The following ZNRF1 variants were observed in gnomAD, a reference collection of about 807,000 sequenced individuals.
ZNRF1 encodes E3 ubiquitin-protein ligase ZNRF1.
A neutral mutation model predicts 18.4 loss-of-function variants in ZNRF1; 3 were observed. The observed-to-expected ratio is 0.16, with a 90% CI of 0.07 to 0.42. The LOEUF is 0.42. Ranked by LOEUF, ZNRF1 falls within the 10% of genes least tolerant of loss-of-function variation. ZNRF1 has a pLI of 0.99. For synonymous variants in ZNRF1, 157 were observed against 144.2 expected (o/e 1.09, Z -0.64); for missense variants, 310 against 329.8 (o/e 0.94, Z 0.47).
At chr16:75,048,938 A>T (rs961374330) in intron 1 of ZNRF1, among the ~76,000 whole-genome samples, 4 of 150,034 alleles carry the variant, frequency 2.7e-5, no homozygotes, top group African/African-American at 9.8e-5. Context: ...TTGTTTAGTT[A>T]TTTTTTTTGT....
At chr16:75,040,443 G>T (rs558974202) in intron 1 of ZNRF1, among the ~76,000 whole-genome samples, 1 of 151,692 alleles carries the variant, frequency 6.6e-6, no homozygotes, top group African/African-American at 2.4e-5. Context: ...AAGTTCCTAT[G>T]CCTGTTTTTA....
At chr16:75,093,860 T>C (rs1420107331) in intron 2 of ZNRF1, among the ~76,000 whole-genome samples, 193 bp downstream of exon 2, 1 of 151,512 alleles carries the variant, frequency 6.6e-6, no homozygotes, top group African/African-American at 2.4e-5. Context: ...GGAAGAGGAG[T>C]GGGACAAGGA....
chr16:75,034,595 C>G (rs1261793382), intron 1 of ZNRF1, among the ~76,000 whole-genome samples: 1 of 152,172 alleles, frequency 6.6e-6, no homozygotes, highest in Non-Finnish European at 1.5e-5. Context: ...TACAAACATC[C>G]TTTAAGACCC....
intron 1 of ZNRF1, among the ~76,000 whole-genome samples, chr16:75,044,791 T>C (rs995697968): frequency 6.6e-6 from 1 of 152,228 alleles, no homozygotes; most frequent in African/African-American, 2.4e-5. Context: ...GGACTGCGTT[T>C]ATAACAAATG....
At chr16:75,100,154 A>C (rs1330083166) in intron 2 of ZNRF1, among the ~76,000 whole-genome samples, 2 of 152,112 alleles carry the variant, frequency 1.3e-5, no homozygotes, top group South Asian at 4.1e-4. Flanking sequence ...GTCCCAGTGA[A>C]ATGTGCTCCC....
intron 1 of ZNRF1, among the ~76,000 whole-genome samples, chr16:75,032,891 T>C (rs546843007): frequency 6.6e-6 from 1 of 152,260 alleles, no homozygotes; most frequent in Admixed American, 6.5e-5. Context: ...TATATGCCTG[T>C]AGTCCCAGCT....
intron 1 of ZNRF1, among the ~76,000 whole-genome samples, chr16:75,067,243 A>G (rs1274036258): frequency 6.6e-6 from 1 of 152,216 alleles, no homozygotes; most frequent in African/African-American, 2.4e-5. Context: ...AGAACCAAGT[A>G]GAAGCCATTT....
intron 2 of ZNRF1, among the ~76,000 whole-genome samples, chr16:75,096,689 T>C (rs1311216531): frequency 3.3e-5 from 5 of 152,170 alleles, no homozygotes; most frequent in African/African-American, 1.2e-4. Context: ...CGGAAATTTT[T>C]AGAAAATTTA....
rs530822589 is a variant in ZNRF1, at chr16:75,046,604, C to T, written c.424+46509C>T. On this transcript the variant is annotated intron_variant, in intron 1 of 4. Coordinates refer to ENST00000335325, the MANE Select transcript of ZNRF1 (RefSeq NM_032268.5). ...TTTTTTTATTTTTTTGAGACTGAGT[C>T]TCGCTCTGTCGCCCAGGCTGGAGCA... Among the ~76,000 whole-genome samples the T allele has an allele frequency of 4.0e-5, 6 of 151,762 alleles. No homozygotes were observed. In the East Asian group the frequency reaches 9.7e-4, roughly 25 times the overall value.
At chr16:75,079,460 C>A (rs2035983931) in intron 1 of ZNRF1, among the ~76,000 whole-genome samples, 1 of 152,124 alleles carries the variant, frequency 6.6e-6, no homozygotes, top group Non-Finnish European at 1.5e-5. Context: ...AGCCTGGCAA[C>A]AGAGCAAGAG....
intron 1 of ZNRF1, among the ~76,000 whole-genome samples, chr16:75,059,756 A>C (rs1464067500): frequency 6.6e-6 from 1 of 152,154 alleles, no homozygotes; most frequent in Non-Finnish European, 1.5e-5. Flanking sequence ...AAATTGTATA[A>C]ATCAATTTAA....
At chr16:75,015,524 G>A (rs1363795314) in intron 1 of ZNRF1, among the ~76,000 whole-genome samples, 3 of 152,156 alleles carry the variant, frequency 2.0e-5, no homozygotes, top group East Asian at 1.9e-4. Context: ...GTGGTGAGCC[G>A]AGATTGCACC....
chr16:75,007,912 C>T (rs144279737), intron 1 of ZNRF1, among the ~76,000 whole-genome samples: 314 of 152,192 alleles, frequency 2.1e-3, no homozygotes, highest in Middle Eastern at 3.4e-3. Context: ...GTTGCCCGGG[C>T]TGGAGTGCAA....
At chr16:75,025,890 G>A (rs1476090787) in intron 1 of ZNRF1, among the ~76,000 whole-genome samples, 1 of 152,068 alleles carries the variant, frequency 6.6e-6, no homozygotes, top group Non-Finnish European at 1.5e-5. Context: ...GGACGGGGTG[G>A]GTGGGATTTT....
chr16:75,102,099 C>A (rs922383702), intron 2 of ZNRF1, among the ~76,000 whole-genome samples: 1 of 152,180 alleles, frequency 6.6e-6, no homozygotes, highest in Non-Finnish European at 1.5e-5. Context: ...AGGATCGAAT[C>A]GGTTCCATTT....
chr16:75,070,058 A>G (rs967629080), intron 1 of ZNRF1, among the ~76,000 whole-genome samples: 9 of 152,212 alleles, frequency 5.9e-5, no homozygotes, highest in Non-Finnish European at 1.2e-4. Flanking sequence ...TTTAATCCAT[A>G]CACTTTCTGC....
At chr16:75,000,724 G>T (rs553566194) in intron 1 of ZNRF1, among the ~76,000 whole-genome samples, 1 of 152,194 alleles carries the variant, frequency 6.6e-6, no homozygotes, top group Non-Finnish European at 1.5e-5. Context: ...GCAGGACCCG[G>T]GCTGTGGTCA....
intron 1 of ZNRF1, among the ~76,000 whole-genome samples, chr16:75,088,745 A>G (rs1335876547): frequency 6.6e-6 from 1 of 152,246 alleles, no homozygotes; most frequent in Non-Finnish European, 1.5e-5. Context: ...AATGGCGTTA[A>G]TGATAGATAG....
Position 75,093,610 on chromosome 16 carries a change from G to T in ZNRF1, c.463G>T (p.Asp155Tyr). Residue 155 changes from aspartate (D) to tyrosine (Y), a missense_variant, in exon 2 of 5, where the codon GAC becomes TAC. Coordinates refer to ENST00000335325, the MANE Select transcript of ZNRF1 (RefSeq NM_032268.5). ...CATTTGCTCCAAGTCTGTGGCTTCT[G>T]ACGAGATGGAAATGCACTTTATAAT... ...CPICSKSVAS[D>Y]EMEMHFIMCL... The T allele has an allele frequency of 6.2e-7, 1 of 1,614,082 alleles. No homozygotes were observed. Among genetic ancestry groups the T allele is most frequent in the South Asian group, 1.1e-5 (1 of 91,072 alleles).
Sources: allele counts gnomAD v4.1 joint callset (sites outside exome capture counted in the v4.1 genomes callset), GRCh38; gene constraint gnomAD v4.1.1; transcripts MANE v1.5; gene names NCBI Gene and HGNC (gene_info 2026-07-23, HGNC 2026-07-21).